Variants in ZEB1 observed in about 807,000 individuals in gnomAD.
ZEB1 encodes zinc finger E-box-binding homeobox 1.
In ZEB1, 21 loss-of-function variants were observed where a neutral mutation model predicts 84.9. That is an observed-to-expected ratio of 0.25 (90% CI 0.18 to 0.36). ZEB1 has a LOEUF of 0.36. ZEB1 is among the 10% of genes least tolerant of loss of function. The pLI is 1.00. For synonymous variants in ZEB1, 420 were observed against 471.1 expected (o/e 0.89, Z 1.41); for missense variants, 1,104 against 1,330.2 (o/e 0.83, Z 2.65).
chr10:31,320,320 C>T (rs902768055), intron 1 of ZEB1: 4 of 152,170 alleles, frequency 2.6e-5, no homozygotes, highest in Non-Finnish European at 4.4e-5. Context: ...AGACAGATCC[C>T]CCTCCCGGGG....
intron 1 of ZEB1, among the ~76,000 whole-genome samples, chr10:31,327,099 C>CTTTTTTTTTTTTTTTTTTTTTT (rs71527629): frequency 1.2e-4 from 10 of 84,962 alleles, no homozygotes; most frequent in African/African-American, 1.5e-4. Flanking sequence ...CTTTTCTTTT[C>CTTTTTTTTTTTTTTTTTTTTTT]TTTTTTTTTT....
intron 2 of ZEB1, among the ~76,000 whole-genome samples, chr10:31,491,771 G>T (rs1476720204): frequency 6.6e-6 from 1 of 151,844 alleles, no homozygotes; most frequent in East Asian, 1.9e-4. Flanking sequence ...CTGACCTCAG[G>T]TATATATTTT....
At chr10:31,321,093 C>G (rs1445618666) in intron 1 of ZEB1, 1 of 991,408 alleles carries the variant, frequency 1.0e-6, no homozygotes, top group Admixed American at 5.5e-5. Context: ...GGAGAAAACT[C>G]TCTCGTGCTC....
intron 1 of ZEB1, among the ~76,000 whole-genome samples, chr10:31,349,049 G>A (rs977187561): frequency 6.6e-6 from 1 of 151,928 alleles, no homozygotes; most frequent in African/African-American, 2.4e-5. Flanking sequence ...ATGAAATTTT[G>A]TATCCTTTGA....
intron 1 of ZEB1, among the ~76,000 whole-genome samples, chr10:31,367,633 G>T (rs942443038): frequency 7.9e-5 from 12 of 152,134 alleles, no homozygotes; most frequent in Admixed American, 7.9e-4. Context: ...AATAGGTCAA[G>T]AATCCATGAA....
chr10:31,425,291 C>A (rs1461922161), intron 1 of ZEB1, among the ~76,000 whole-genome samples: 1 of 151,942 alleles, frequency 6.6e-6, no homozygotes, highest in East Asian at 1.9e-4. Flanking sequence ...AATTTTGAAA[C>A]CATTACTTAA....
chr10:31,439,693 T>A (rs1371538245), intron 1 of ZEB1, among the ~76,000 whole-genome samples: 1 of 152,054 alleles, frequency 6.6e-6, no homozygotes, highest in Non-Finnish European at 1.5e-5. Flanking sequence ...GGTATTTAAA[T>A]AGAGCAGTCA....
Position 31,319,219 on chromosome 10 carries a change from C to A in ZEB1, c.-16C>A, listed in dbSNP as rs773286513. ...GGAGGAGGTGACTCGAGCATTTAGACACAAGCGAGAGGATCATGGCGGATG... is the reference window on the plus strand; with the variant it reads ...GGAGGAGGTGACTCGAGCATTTAGAAACAAGCGAGAGGATCATGGCGGATG... On this transcript the variant is annotated 5_prime_UTR_variant, in exon 1 of 9. Transcript: ENST00000424869. 6.2e-7 allele frequency: 1 copy of A among 1,602,988 alleles called. No individual in the cohort carries two copies. Among genetic ancestry groups the A allele is most frequent in the Non-Finnish European group, 8.5e-7 (1 of 1,175,924 alleles).
Position 31,337,657 on chromosome 10 carries a change from C to G in ZEB1, c.58+18365C>G, listed in dbSNP as rs537124583. 9.1e-3 allele frequency among the ~76,000 whole-genome samples: 1,344 copies of G among 147,114 alleles called. 22 individuals carry two copies. The highest frequency in any genetic ancestry group is 0.032 in the African/African-American group (1,281 of 39,698). On this transcript the variant is annotated intron_variant, in intron 1 of 8. Transcript: ENST00000424869. ...TATACTATCTTTGTATTTAATATAG[C>G]AGATAAAGCTTAATAATTTCTTTCT... is the stretch of plus-strand genomic sequence containing the variant.
chr10:31,426,810 GT>G lies in ZEB1; in HGVS notation c.59-34224del, dbSNP rs2056989634. Reference sequence around the variant, plus strand: ...TATATAACATAGATCCCTAGTTCTTGTTTCCATAGTCATGCTTTGGATGGTA... The same window carrying G: ...TATATAACATAGATCCCTAGTTCTTGTTCCATAGTCATGCTTTGGATGGTA... On this transcript the variant is annotated intron_variant, in intron 1 of 8. Coordinates refer to ENST00000424869, the MANE Select transcript of ZEB1 (RefSeq NM_001174096.2). Among the ~76,000 whole-genome samples the G allele has an allele frequency of 2.0e-5, 3 of 152,132 alleles. No homozygotes were observed. In the South Asian group the frequency reaches 6.2e-4, roughly 31 times the overall value.
At chr10:31,485,171 T>A (rs1305094158) in intron 2 of ZEB1, among the ~76,000 whole-genome samples, 1 of 151,960 alleles carries the variant, frequency 6.6e-6, no homozygotes, top group Non-Finnish European at 1.5e-5. Flanking sequence ...GACAAGATGA[T>A]CTTCAAATTC....
intron 1 of ZEB1, 66 bp downstream of exon 1, chr10:31,319,358 G>C: frequency 3.3e-6 from 5 of 1,529,554 alleles, no homozygotes; most frequent in Non-Finnish European, 4.5e-6. Flanking sequence ...GGCGCCCCCG[G>C]GGGTGAGGGG....
intron 1 of ZEB1, among the ~76,000 whole-genome samples, chr10:31,322,332 ACT>A (rs1345054320): frequency 5.9e-5 from 9 of 152,206 alleles, no homozygotes; most frequent in Admixed American, 5.9e-4. Flanking sequence ...CAAAACGTTA[ACT>A]CTCAAATCTT....
Position 31,439,696 on chromosome 10 carries a change from A to G in ZEB1, c.59-21341A>G, listed in dbSNP as rs146323611. Among the ~76,000 whole-genome samples, 7 of 152,272 alleles carry G rather than the reference A, an allele frequency of 4.6e-5. No individual in the cohort carries two copies. In the East Asian group the frequency reaches 1.3e-3, roughly 29 times the overall value. On this transcript the variant is annotated intron_variant, in intron 1 of 8. Coordinates refer to ENST00000424869, the MANE Select transcript of ZEB1 (RefSeq NM_001174096.2). ...GGGGGTGGGGGTGGTATTTAAATAG[A>G]GCAGTCATAGGAGACCTCCCTGAGG...
intron 1 of ZEB1, among the ~76,000 whole-genome samples, chr10:31,384,475 T>C (rs1439013411): frequency 6.6e-6 from 1 of 152,180 alleles, no homozygotes; most frequent in Non-Finnish European, 1.5e-5. Context: ...TGGAGAGTTT[T>C]ATGCAAAGTG....
In ZEB1 at chr10:31,352,647, TG is replaced by T. The variant is rs200221181; in HGVS notation, c.58+33360del. On this transcript the variant is annotated intron_variant, in intron 1 of 8. Transcript: ENST00000424869. ...GCAGGCTGCTGGCGTGGAGCACAGT[TG>T]GGGGTGGCCTGGGTGCCTCAGCTCT... Among the ~76,000 whole-genome samples, 3 of 152,256 alleles carry T rather than the reference TG, an allele frequency of 2.0e-5. No homozygotes were observed. The East Asian group carries it at 5.8e-4, about 29-fold the overall frequency.
chr10:31,462,766 A>G (rs1394360085), intron 2 of ZEB1, among the ~76,000 whole-genome samples: 4 of 152,170 alleles, frequency 2.6e-5, no homozygotes, highest in Admixed American at 2.6e-4. Context: ...TAATTTATAA[A>G]TAAGTCTGGT....
intron 1 of ZEB1, among the ~76,000 whole-genome samples, chr10:31,324,191 A>T (rs759094494): frequency 1.3e-5 from 2 of 152,030 alleles, no homozygotes; most frequent in Non-Finnish European, 2.9e-5. Flanking sequence ...GTTTATGAAG[A>T]TGACCCTGAT....
At chr10:31,319,026 C>A (rs2032897010), upstream of ZEB1, 1 of 623,368 alleles carries the variant, frequency 1.6e-6, no homozygotes, top group Non-Finnish European at 3.0e-6. Context: ...GCAGTGCCCA[C>A]GGTTGCCGCA....
Sources: allele counts gnomAD v4.1 joint callset (sites outside exome capture counted in the v4.1 genomes callset), GRCh38; gene constraint gnomAD v4.1.1; transcripts MANE v1.5; gene names NCBI Gene and HGNC (gene_info 2026-07-23, HGNC 2026-07-21).